Variants in ANKS3 observed in about 807,000 individuals in gnomAD.
ANKS3 encodes the protein ankyrin repeat and SAM domain-containing protein 3.
ANKS3 carries 62 observed loss-of-function variants against 80.7 expected under a neutral mutation model. That is an observed-to-expected ratio of 0.77 (90% CI 0.63 to 0.95). The LOEUF (loss-of-function observed/expected upper bound fraction) is 0.95, where lower values mean the gene tolerates loss of function less well. Ranked by LOEUF, ANKS3 falls within the 40% of genes least tolerant of loss-of-function variation. The pLI is 0.00. For synonymous variants in ANKS3, 489 were observed against 355.3 expected (o/e 1.38, Z -4.23); for missense variants, 1,150 against 883.6 (o/e 1.30, Z -3.82).
chr16:4,714,980 G>C (rs1479247241), intron 6 of ANKS3, among the ~76,000 whole-genome samples: 2 of 93,596 alleles, frequency 2.1e-5, no homozygotes, highest in Non-Finnish European at 3.7e-5. Flanking sequence ...GACAGAGTGA[G>C]ACTCTGTCTC....
chr16:4,714,270 G>A, intron 6 of ANKS3, 84 bp from the exon 7 acceptor site: 1 of 1,549,818 alleles, frequency 6.5e-7, no homozygotes, highest in South Asian at 1.2e-5. Flanking sequence ...AAGACAGAAG[G>A]GCATATGCTG....
chr16:4,707,735 A>G (rs2080273023), intron 7 of ANKS3, among the ~76,000 whole-genome samples: 1 of 152,250 alleles, frequency 6.6e-6, no homozygotes, highest in South Asian at 2.1e-4. Flanking sequence ...ATAATCCTAA[A>G]TAAGATAGAC....
chr16:4,705,077 G>A lies in ANKS3; in HGVS notation c.868+18C>T. On this transcript the variant is annotated intron_variant, in intron 8 of 17. Coordinates refer to ENST00000304283, the MANE Select transcript of ANKS3 (RefSeq NM_133450.4). The stretch of plus-strand genomic sequence containing the variant: ...GTATGCAATGAGAAAGAGCCCTCGG[G>A]AAACGCGGGCCACTCACCATAGCGA... 6.2e-7 allele frequency: 1 copy of A among 1,609,076 alleles called. No individual in the cohort carries two copies. The highest frequency in any genetic ancestry group is 8.5e-7 in the Non-Finnish European group (1 of 1,178,446).
At chr16:4,732,683 AAAAAAAC>A (rs976655292) in intron 1 of ANKS3, among the ~76,000 whole-genome samples, 3 of 150,986 alleles carry the variant, frequency 2.0e-5, no homozygotes, top group African/African-American at 7.3e-5. Flanking sequence ...TGTCTCAAAA[AAAAAAAC>A]AAAAAAAAAA....
At chr16:4,709,204 C>G (rs8049414) in intron 7 of ANKS3, among the ~76,000 whole-genome samples, 4 of 151,544 alleles carry the variant, frequency 2.6e-5, no homozygotes, top group African/African-American at 4.9e-5. Context: ...GTCGGGAGTT[C>G]GAGACCACCC....
At chr16:4,701,878 C>G in intron 9 of ANKS3, 1 of 552,858 alleles carries the variant, frequency 1.8e-6, no homozygotes, top group Admixed American at 3.6e-5. Flanking sequence ...AAGCAAGGAG[C>G]TAAACCTGTT....
chr16:4,711,447 G>A (rs181085659), intron 7 of ANKS3, among the ~76,000 whole-genome samples: 38 of 151,826 alleles, frequency 2.5e-4, no homozygotes, highest in African/African-American at 7.2e-4. Context: ...GGCCGGGTGC[G>A]GTGGCTCACA....
At chr16:4,712,228 G>A (rs904791640) in intron 7 of ANKS3, among the ~76,000 whole-genome samples, 1 of 151,942 alleles carries the variant, frequency 6.6e-6, no homozygotes, top group South Asian at 2.1e-4. Flanking sequence ...AAAATTAGCT[G>A]GGTGTAGTGG....
rs777233491 is a variant in ANKS3 at position 4,702,230 on chromosome 16, G to A, written c.881C>T (p.Pro294Leu). 6.3e-7 allele frequency: 1 copy of A among 1,582,828 alleles called. No homozygotes were observed. Among genetic ancestry groups the A allele is most frequent in the East Asian group, 2.4e-5 (1 of 42,408 alleles). ...GCTGTTGAAGGTGACATAGCCACGGGGAGGAGCCTGCTCTGTGTACAGAAT... is the reference window on the plus strand; with the variant it reads ...GCTGTTGAAGGTGACATAGCCACGGAGAGGAGCCTGCTCTGTGTACAGAAT... The part of the protein sequence containing the change: ...APRPRYEQAP[P>L]RGYVTFNSSG... Residue 294 changes from proline to leucine, a missense_variant, in exon 9 of 18, where the codon CCC (proline) becomes CTC (leucine). Coordinates refer to ENST00000304283, the MANE Select transcript of ANKS3 (RefSeq NM_133450.4).
At chr16:4,706,765 C>T (rs919832141) in intron 7 of ANKS3, among the ~76,000 whole-genome samples, 2 of 152,098 alleles carry the variant, frequency 1.3e-5, no homozygotes, top group African/African-American at 2.4e-5. Flanking sequence ...AGTGGGTAAG[C>T]TGGGGCAGAA....
At position 4,697,393 on chromosome 16, in the gene ANKS3, G is replaced by C; in HGVS notation, c.1834C>G (p.Leu612Val). The change falls in exon 16 of 18, where the codon CTG (leucine) becomes GTG (valine). Residue 612 changes from leucine to valine, a missense_variant. Coordinates refer to ENST00000304283, the MANE Select transcript of ANKS3 (RefSeq NM_133450.4). ...AGCTCGGGGAGGCTCATGGCCTGCA[G>C]GGACGCTTGCCAGCCCTTGGAGTCT... ...PADSKGWQAS[L>V]QAMSLPELSG... is the part of the protein sequence containing the mutation. 1 of 1,609,222 alleles carries C rather than the reference G, an allele frequency of 6.2e-7. No homozygotes were observed.
intron 8 of ANKS3, among the ~76,000 whole-genome samples, chr16:4,703,594 C>A (rs2142043318): frequency 6.6e-6 from 1 of 151,868 alleles, no homozygotes; most frequent in Middle Eastern, 3.4e-3. Flanking sequence ...CTAATTTTTG[C>A]ATTTTTAGTA....
At chr16:4,712,792 G>A (rs1228572599) in intron 7 of ANKS3, among the ~76,000 whole-genome samples, 1 of 152,136 alleles carries the variant, frequency 6.6e-6, no homozygotes, top group African/African-American at 2.4e-5. Context: ...ATGAGCTAGA[G>A]GTGTTAGCAA....
intron 11 of ANKS3, chr16:4,699,800 G>A (rs1464023797): frequency 6.5e-6 from 1 of 152,862 alleles, no homozygotes; most frequent in Admixed American, 6.5e-5. Flanking sequence ...TTCACAAGTT[G>A]TCTGACTCTT....
chr16:4,714,106 C>G lies in ANKS3; in HGVS notation c.654G>C (p.Val218=). The G allele has an allele frequency of 6.2e-7, 1 of 1,614,188 alleles. No individual in the cohort carries two copies. The highest frequency in any genetic ancestry group is 8.5e-7 in the Non-Finnish European group (1 of 1,180,044). The change falls in exon 7 of 18, where the codon GTG becomes GTC. Residue 218 remains valine (V), a synonymous_variant. Coordinates refer to ENST00000304283, the MANE Select transcript of ANKS3 (RefSeq NM_133450.4). ...AGGGCGAGTAAGTGTCCATCAAGGC[C>G]ACGATCTTCATGTGTCCGTACTGCT... ...LAKQYGHMKI[V]ALMDTYSPSL...
In ANKS3 at chr16:4,714,096, C is replaced by T. The variant is rs145719295; in HGVS notation, c.664G>A (p.Asp222Asn). ...YGHMKIVALM[D>N]TYSPSLPKSL... ...TTGGGCAGAGAGGGCGAGTAAGTGT[C>T]CATCAAGGCCACGATCTTCATGTGT... Residue 222 changes from aspartate (D) to asparagine (N), a missense_variant, in exon 7 of 18, where the codon GAC becomes AAC. Asp to Asn is a conservative substitution (Grantham distance 23, BLOSUM62 1). Coordinates refer to ENST00000304283, the MANE Select transcript of ANKS3 (RefSeq NM_133450.4). 6.2e-7 allele frequency: 1 copy of T among 1,614,172 alleles called. No individual in the cohort carries two copies. The highest frequency in any genetic ancestry group is 8.5e-7 in the Non-Finnish European group (1 of 1,180,038).
chr16:4,732,680 A>G (rs2081697835), intron 1 of ANKS3, among the ~76,000 whole-genome samples: 3 of 149,068 alleles, frequency 2.0e-5, no homozygotes, highest in South Asian at 2.1e-4. Context: ...TTCTGTCTCA[A>G]AAAAAAAAAC....
At chr16:4,721,688 G>C (rs910890548) in intron 6 of ANKS3, among the ~76,000 whole-genome samples, 3 of 151,044 alleles carry the variant, frequency 2.0e-5, no homozygotes, top group Non-Finnish European at 4.4e-5. Context: ...ACCCAGGCTG[G>C]AGTGCAGTGG....
chr16:4,715,411 G>A (rs541456170), intron 6 of ANKS3, among the ~76,000 whole-genome samples: 1 of 152,300 alleles, frequency 6.6e-6, no homozygotes, highest in African/African-American at 2.4e-5. Flanking sequence ...AGGAGGAGGC[G>A]GGACCCCGGA....
Sources: allele counts gnomAD v4.1 joint callset (sites outside exome capture counted in the v4.1 genomes callset), GRCh38; gene constraint gnomAD v4.1.1; transcripts MANE v1.5; gene names NCBI Gene and HGNC (gene_info 2026-07-23, HGNC 2026-07-21).